NRXN3: variants seen among roughly 807,000 people sequenced by gnomAD.
NRXN3 encodes neurexin 3.
Under a neutral mutation model 137.6 loss-of-function variants are expected in NRXN3, and 32 were observed. The observed-to-expected ratio is 0.23, with a 90% confidence interval of 0.18 to 0.31. The LOEUF is 0.31. NRXN3 is among the 10% of genes least tolerant of loss of function. The probability of loss-of-function intolerance (pLI) is 1.00; values close to 1 mark genes in which losing one functional copy is unlikely to be tolerated. For synonymous variants in NRXN3, 798 were observed against 784.5 expected, an observed-to-expected ratio of 1.02 and a Z score of -0.29; for missense variants, 1,574 against 2,062.5, an observed-to-expected ratio of 0.76 and a Z score of 4.59.
chr14:79,605,620 T>G (rs2097999949), intron 16 of NRXN3, among the ~76,000 whole-genome samples: 1 of 152,146 alleles, frequency 6.6e-6, no homozygotes, highest in Admixed American at 6.5e-5. Flanking sequence ...CCCGAGTAGC[T>G]GGGACTACAG....
chr14:79,239,520 G>A (rs2073944852), intron 15 of NRXN3, among the ~76,000 whole-genome samples: 1 of 151,990 alleles, frequency 6.6e-6, no homozygotes, highest in African/African-American at 2.4e-5. Flanking sequence ...TAGAGAAGAG[G>A]TAACAAAGGC....
chr14:79,635,463 T>G (rs2098396756), intron 16 of NRXN3, among the ~76,000 whole-genome samples: 1 of 152,216 alleles, frequency 6.6e-6, no homozygotes, highest in Admixed American at 6.5e-5. Context: ...CTAGGGCTGT[T>G]GTAACAAAGT....
intron 8 of NRXN3, among the ~76,000 whole-genome samples, chr14:78,720,770 A>G (rs2098456135): frequency 6.6e-6 from 1 of 152,206 alleles, no homozygotes; most frequent in Admixed American, 6.5e-5. Flanking sequence ...TATTAAAGTT[A>G]AATTATTAAA....
intron 4 of NRXN3, among the ~76,000 whole-genome samples, chr14:78,348,405 G>C (rs549788110): frequency 6.6e-6 from 1 of 152,162 alleles, no homozygotes; most frequent in Non-Finnish European, 1.5e-5. Flanking sequence ...AAGGGCTTGC[G>C]ATAAGGATTC....
intron 15 of NRXN3, among the ~76,000 whole-genome samples, chr14:79,140,572 A>ACT (rs1278511928): frequency 2.9e-5 from 2 of 68,520 alleles, no homozygotes; most frequent in South Asian, 6.6e-4. Context: ...ACCCCACCTC[A>ACT]CTGTGTGTGT....
At chr14:79,670,427 A>G (rs2098600702) in intron 17 of NRXN3, among the ~76,000 whole-genome samples, 1 of 152,054 alleles carries the variant, frequency 6.6e-6, no homozygotes, top group Admixed American at 6.6e-5. Flanking sequence ...GCTTGCCCAC[A>G]ACCTTGAGAA....
intron 16 of NRXN3, among the ~76,000 whole-genome samples, chr14:79,615,855 G>T (rs2098148779): frequency 1.3e-5 from 2 of 152,144 alleles, no homozygotes; most frequent in Non-Finnish European, 2.9e-5. Context: ...TGGGGACACA[G>T]CCAAATCATA....
chr14:79,836,515 C>CA (rs2099344155), intron 20 of NRXN3, among the ~76,000 whole-genome samples: 3 of 148,366 alleles, frequency 2.0e-5, no homozygotes, highest in African/African-American at 7.3e-5. Context: ...TGTGGTGATC[C>CA]GAACTATGCT....
At chr14:78,225,974 G>GTGTGGGGGTGT (rs1394081828) in intron 1 of NRXN3, among the ~76,000 whole-genome samples, 1 of 123,634 alleles carries the variant, frequency 8.1e-6, no homozygotes, top group African/African-American at 3.1e-5. Flanking sequence ...TGTGTGTGTT[G>GTGTGGGGGTGT]GTGTGTGTGT....
At chr14:78,368,917 A>T (rs2086398763) in intron 4 of NRXN3, among the ~76,000 whole-genome samples, 1 of 152,168 alleles carries the variant, frequency 6.6e-6, no homozygotes, top group Non-Finnish European at 1.5e-5. Context: ...TGCCGAGTGA[A>T]CACCATTTGT....
At chr14:79,479,214 A>G (rs1374934287) in intron 16 of NRXN3, among the ~76,000 whole-genome samples, 1 of 152,124 alleles carries the variant, frequency 6.6e-6, no homozygotes, top group Non-Finnish European at 1.5e-5. Context: ...TTTCATGGCT[A>G]AAAACCCATA....
intron 4 of NRXN3, among the ~76,000 whole-genome samples, chr14:78,437,874 A>G (rs2094124857): frequency 6.6e-6 from 1 of 152,164 alleles, no homozygotes. Flanking sequence ...ACGGTAAGAG[A>G]AGTAGAAGGA....
chr14:79,327,965 T>C (rs2091140231), intron 15 of NRXN3, among the ~76,000 whole-genome samples: 1 of 152,140 alleles, frequency 6.6e-6, no homozygotes, highest in Non-Finnish European at 1.5e-5. Flanking sequence ...CCCTTATTCA[T>C]GGTTGCTTTT....
At position 79,864,759 on chromosome 14, in the gene NRXN3, G is replaced by GTT. The variant is rs1003951695; in HGVS notation, c.*2804_*2805dup. ...GTTTTTTGTTTTTCGTTTTTTGTTTGTTTTTTTTTTGAGACAGAGTCTCGC... is the reference window on the plus strand; with the variant it reads ...GTTTTTTGTTTTTCGTTTTTTGTTTGTTTTTTTTTTTTGAGACAGAGTCTCGC... On this transcript the variant is annotated 3_prime_UTR_variant, in exon 21 of 21. Transcript: ENST00000335750. 2.0e-5 allele frequency: 3 copies of GTT among 148,164 alleles called. No homozygotes were observed. Among genetic ancestry groups the GTT allele is most frequent in the African/African-American group, 4.9e-5 (2 of 40,408 alleles). The allele number at this position is 148,164 out of a possible 1,614,324, so 9.2% of individuals were successfully genotyped here.
intron 15 of NRXN3, among the ~76,000 whole-genome samples, chr14:79,069,098 T>G (rs1015051236): frequency 3.3e-5 from 5 of 151,928 alleles, no homozygotes; most frequent in Non-Finnish European, 7.4e-5. Context: ...TCCAGGGCAT[T>G]GAGTTCCTTT....
chr14:78,980,898 G>A (rs917013711), intron 14 of NRXN3, among the ~76,000 whole-genome samples: 3 of 152,184 alleles, frequency 2.0e-5, no homozygotes, highest in South Asian at 2.1e-4. Flanking sequence ...GACTATTTTC[G>A]TGAGAGTTAT....
intron 3 of NRXN3, chr14:78,282,618 C>G (rs562813300): frequency 6.3e-6 from 1 of 159,532 alleles, no homozygotes; most frequent in African/African-American, 2.4e-5. Context: ...CTGCTGGGCC[C>G]CCAGGAGGCC....
chr14:79,488,429 T>C (rs997645562), intron 16 of NRXN3, among the ~76,000 whole-genome samples: 2 of 152,196 alleles, frequency 1.3e-5, no homozygotes, highest in Admixed American at 6.5e-5. Flanking sequence ...AGTGTGTGTG[T>C]GTTCTGACGA....
chr14:79,669,909 G>T (rs748994798), intron 17 of NRXN3, among the ~76,000 whole-genome samples: 2 of 152,046 alleles, frequency 1.3e-5, no homozygotes, highest in African/African-American at 2.4e-5. Flanking sequence ...GTGATTCTCT[G>T]TGTAGCTAAG....
Sources: allele counts gnomAD v4.1 joint callset (sites outside exome capture counted in the v4.1 genomes callset), GRCh38; gene constraint gnomAD v4.1.1; transcripts MANE v1.5; gene names NCBI Gene and HGNC (gene_info 2026-07-23, HGNC 2026-07-21).